Variants in LRIG1 observed in about 807,000 individuals in gnomAD.
LRIG1 encodes leucine rich repeats and immunoglobulin like domains 1, also known as leucine-rich repeats and immunoglobulin-like domains protein 1.
Under a neutral mutation model 99.2 loss-of-function variants are expected in LRIG1, and 48 were observed. The observed-to-expected ratio is 0.48, with a 90% CI of 0.38 to 0.62. LRIG1 has a LOEUF of 0.62. Among genes scored for constraint, LRIG1 ranks in the 20% least tolerant of loss-of-function variants. LRIG1 has a pLI of 0.00. For synonymous variants in LRIG1, 772 were observed against 596.1 expected, an observed-to-expected ratio of 1.29 and a Z score of -4.30; for missense variants, 1,646 against 1,434.4, an observed-to-expected ratio of 1.15 and a Z score of -2.38.
At chr3:66,436,606 C>CG (rs1367172126) in intron 3 of LRIG1, among the ~76,000 whole-genome samples, 1 of 152,136 alleles carries the variant, frequency 6.6e-6, no homozygotes, top group African/African-American at 2.4e-5. Context: ...ACGCAGAGCC[C>CG]GGGGGTCTGG....
chr3:66,414,833 G>C, intron 5 of LRIG1, 87 bp downstream of exon 5: 2 of 1,269,558 alleles, frequency 1.6e-6, no homozygotes, highest in Non-Finnish European at 2.1e-6. Flanking sequence ...GCAAGGAAAG[G>C]GTGGCGTTTG....
intron 7 of LRIG1, among the ~76,000 whole-genome samples, chr3:66,408,726 C>A (rs1702362282): frequency 6.6e-6 from 1 of 152,076 alleles, no homozygotes; most frequent in African/African-American, 2.4e-5. Context: ...GGGGTCACAG[C>A]TTGACTACAG....
chr3:66,424,570 C>T (rs1559792719), intron 3 of LRIG1, among the ~76,000 whole-genome samples: 1 of 152,170 alleles, frequency 6.6e-6, no homozygotes, highest in Non-Finnish European at 1.5e-5. Flanking sequence ...GCACAGTTCC[C>T]AAGAAGATCC....
At chr3:66,396,507 G>A (rs1376850945) in intron 11 of LRIG1, among the ~76,000 whole-genome samples, 1 of 152,214 alleles carries the variant, frequency 6.6e-6, no homozygotes, top group African/African-American at 2.4e-5. Context: ...ACGACCAAGT[G>A]GAATTAACCA....
chr3:66,405,309 G>A (rs1276349180), intron 8 of LRIG1, 31 bp from the exon 9 acceptor site: 11 of 1,569,372 alleles, frequency 7.0e-6, no homozygotes, highest in Non-Finnish European at 9.7e-6. Flanking sequence ...AGCTCACCGA[G>A]CAGTCGGGGC....
At chr3:66,418,807 CTTTG>C (rs1195909161) in intron 3 of LRIG1, among the ~76,000 whole-genome samples, 1 of 152,104 alleles carries the variant, frequency 6.6e-6, no homozygotes. Flanking sequence ...TCGTGGACTC[CTTTG>C]TTTTTTTCAT....
At chr3:66,414,595 C>T (rs907081316) in intron 5 of LRIG1, among the ~76,000 whole-genome samples, 1 of 152,058 alleles carries the variant, frequency 6.6e-6, no homozygotes, top group Non-Finnish European at 1.5e-5. Flanking sequence ...TACAGAAAAA[C>T]ATCTAAGATA....
chr3:66,476,655 T>G (rs1700729379), intron 1 of LRIG1, among the ~76,000 whole-genome samples: 1 of 152,232 alleles, frequency 6.6e-6, no homozygotes, highest in Admixed American at 6.5e-5. Context: ...TAGAAAAAGA[T>G]GGCTGTCTCT....
At chr3:66,457,235 C>G (rs905226156) in intron 2 of LRIG1, among the ~76,000 whole-genome samples, 2 of 152,328 alleles carry the variant, frequency 1.3e-5, no homozygotes, top group Admixed American at 6.5e-5. Flanking sequence ...GAAGCAGTAG[C>G]ATGTCAGCTA....
Position 66,500,391 on chromosome 3 carries a change from C to T in LRIG1, c.17G>A (p.Arg6Gln). The T allele has an allele frequency of 2.1e-6, 3 of 1,431,330 alleles. No homozygotes were observed. Among genetic ancestry groups the T allele is most frequent in the Admixed American group, 3.2e-5 (1 of 31,060 alleles). 88.7% of individuals were successfully genotyped at this position (1,431,330 alleles called of 1,614,324 possible). Residue 6 changes from arginine (R) to glutamine (Q), a missense_variant, in exon 1 of 19, where the codon CGG becomes CAG. By Grantham distance (43) the Arg-to-Gln change is conservative. Transcript: ENST00000273261. ...GCGGCGCGGGGCCCCGAGCCCTCCC[C>T]GGACCGGCCGCGCCATCTTGTCTGG... Reference protein sequence around the residue: MARPVRGGLGAPRRSP... With the variant: MARPVQGGLGAPRRSP...
At chr3:66,439,842 G>A (rs1418845464) in intron 3 of LRIG1, among the ~76,000 whole-genome samples, 7 of 152,084 alleles carry the variant, frequency 4.6e-5, no homozygotes, top group African/African-American at 4.8e-5. Flanking sequence ...ACCCTCACCC[G>A]CGCACCACCA....
At chr3:66,453,269 G>A (rs1281651363) in intron 2 of LRIG1, among the ~76,000 whole-genome samples, 1 of 152,194 alleles carries the variant, frequency 6.6e-6, no homozygotes, top group Non-Finnish European at 1.5e-5. Context: ...CAAACACAGA[G>A]AATGTTAGTA....
intron 1 of LRIG1, 38 bp from the exon 2 acceptor site, chr3:66,462,547 A>C: frequency 7.1e-7 from 1 of 1,401,382 alleles, no homozygotes; most frequent in Admixed American, 1.8e-5. Flanking sequence ...GGAATCAACA[A>C]CCTGGCATCA....
rs543321889 is a variant in LRIG1 at position 66,489,565 on chromosome 3, CAGAG to C, written c.218+10621_218+10624del. Among the ~76,000 whole-genome samples the C allele has an allele frequency of 6.1e-4, 92 of 150,418 alleles. 1 individual carries two copies. In the East Asian group the frequency reaches 0.012, roughly 20 times the overall value. On this transcript the variant is annotated intron_variant, in intron 1 of 18. Coordinates refer to ENST00000273261, the MANE Select transcript of LRIG1 (RefSeq NM_015541.3). ...TGTGTGTGTGTGTCTAACACACACA[CAGAG>C]AGAGAGAGAATGTTTAAGTATCCTA...
rs555238890 is a variant in LRIG1, at chr3:66,412,407, T to A, written c.791+464A>T. Among the ~76,000 whole-genome samples the A allele has an allele frequency of 3.3e-4, 50 of 152,200 alleles. 1 individual carries two copies. The South Asian group carries it at 9.2e-3, about 28-fold the overall frequency. ...AGTGGATGCAAGCTGTGGAAAGCAGTCCTGGCAGAATGGCCCCCAAACTCC... is the reference window on the plus strand; with the variant it reads ...AGTGGATGCAAGCTGTGGAAAGCAGACCTGGCAGAATGGCCCCCAAACTCC... On this transcript the variant is annotated intron_variant, in intron 6 of 18. Coordinates refer to ENST00000273261, the MANE Select transcript of LRIG1 (RefSeq NM_015541.3).
chr3:66,408,182 G>A (rs775319804), intron 7 of LRIG1, among the ~76,000 whole-genome samples: 13 of 152,256 alleles, frequency 8.5e-5, no homozygotes, highest in Admixed American at 1.3e-4. Flanking sequence ...GTCATCTATC[G>A]TTGAAAAATT....
chr3:66,490,973 C>T (rs533899996), intron 1 of LRIG1, among the ~76,000 whole-genome samples: 13 of 152,288 alleles, frequency 8.5e-5, no homozygotes, highest in African/African-American at 2.2e-4. Context: ...AACAAAGTAC[C>T]GGACTGAGGA....
At position 66,394,151 on chromosome 3, in the gene LRIG1, G is replaced by T; in HGVS notation, c.1357C>A (p.Pro453Thr). 1 of 1,611,158 alleles carries T rather than the reference G, an allele frequency of 6.2e-7. No individual in the cohort carries two copies. Among genetic ancestry groups the T allele is most frequent in the Non-Finnish European group, 8.5e-7 (1 of 1,178,834 alleles). The change falls in exon 12 of 19, where the codon CCG becomes ACG. Residue 453 changes from proline (P) to threonine (T), a missense_variant. By Grantham distance (38) the Pro-to-Thr change is conservative. Transcript: ENST00000273261. ...LCDCQLKWLP[P>T]WLIGRMLQAF... Reference sequence around the variant, plus strand: ...TGCAGCATCCTGCCAATTAGCCACGGGGGCAGCCACTTCAGCTGGCAGTCA... The same window carrying T: ...TGCAGCATCCTGCCAATTAGCCACGTGGGCAGCCACTTCAGCTGGCAGTCA...
chr3:66,449,061 G>T (rs1703815200), intron 3 of LRIG1, among the ~76,000 whole-genome samples: 1 of 152,228 alleles, frequency 6.6e-6, no homozygotes. Flanking sequence ...TAAGTCTTCT[G>T]CCTTCATTGA....
Sources: gnomAD v4.1 joint callset for allele counts (sites outside exome capture counted in the v4.1 genomes callset) on GRCh38, gnomAD v4.1.1 for gene constraint, MANE v1.5 for transcripts, NCBI Gene and HGNC (gene_info 2026-07-23, HGNC 2026-07-21) for gene names.